Variants in NF1 observed in about 807,000 individuals in gnomAD.
NF1 encodes the protein neurofibromin 1, also known as neurofibromin.
Under a neutral mutation model 325.7 loss-of-function variants are expected in NF1, and 122 were observed. The ratio of observed to expected loss-of-function variants is 0.37; its 90% CI spans 0.32 to 0.44. The LOEUF (loss-of-function observed/expected upper bound fraction) is 0.44. NF1 is among the 20% of genes least tolerant of loss of function. NF1 has a pLI of 1.00. For missense variants in NF1, 2,140 were observed against 3,415.4 expected (o/e 0.63, Z 9.31); for synonymous variants, 1,091 against 1,186.0 (o/e 0.92, Z 1.65).
At chr17:31,173,512 C>T (rs541964154) in intron 5 of NF1, among the ~76,000 whole-genome samples, 1 of 151,588 alleles carries the variant, frequency 6.6e-6, no homozygotes. Context: ...ACAGCAGAAT[C>T]GCTTGAGCCT....
chr17:31,277,505 G>T (rs1233285667), intron 36 of NF1, among the ~76,000 whole-genome samples: 4 of 152,118 alleles, frequency 2.6e-5, no homozygotes, highest in Non-Finnish European at 5.9e-5. Flanking sequence ...ATAACTACAT[G>T]CTGGACATCT....
At chr17:31,113,067 T>C (rs1263384449) in intron 1 of NF1, among the ~76,000 whole-genome samples, 1 of 152,194 alleles carries the variant, frequency 6.6e-6, no homozygotes, top group Non-Finnish European at 1.5e-5. Context: ...TCTAGGTCTT[T>C]TGTTATCCTT....
intron 36 of NF1, among the ~76,000 whole-genome samples, chr17:31,279,992 T>C (rs1232452170): frequency 6.6e-6 from 1 of 152,158 alleles, no homozygotes; most frequent in Non-Finnish European, 1.5e-5. Flanking sequence ...TCTGAGTTTA[T>C]AGAATCTTAA....
intron 1 of NF1, among the ~76,000 whole-genome samples, chr17:31,106,670 T>C (rs1020786908): frequency 6.6e-6 from 1 of 152,238 alleles, no homozygotes; most frequent in African/African-American, 2.4e-5. Context: ...GTTGGTTAGA[T>C]GTTAGAAATA....
chr17:31,219,300 T>C, intron 14 of NF1, 182 bp downstream of exon 14: 2 of 536,340 alleles, frequency 3.7e-6, no homozygotes, highest in Non-Finnish European at 3.3e-6. Context: ...ACTTGCTTTG[T>C]ATCACATAGC....
intron 5 of NF1, among the ~76,000 whole-genome samples, chr17:31,181,181 A>G (rs968654456): frequency 6.6e-6 from 1 of 152,176 alleles, no homozygotes; most frequent in Admixed American, 6.5e-5. Flanking sequence ...TTGAAAAAGC[A>G]AGTTATTAAA....
chr17:31,182,480 A>C (rs769891894), intron 7 of NF1, 28 bp from the exon 8 acceptor site: 1 of 1,611,104 alleles, frequency 6.2e-7, no homozygotes, highest in Non-Finnish European at 8.5e-7. Flanking sequence ...CCTATCTAAT[A>C]ATGTCATTTA....
At chr17:31,161,319 G>T (rs1407110259) in intron 3 of NF1, among the ~76,000 whole-genome samples, 2 of 152,216 alleles carry the variant, frequency 1.3e-5, no homozygotes, top group Admixed American at 1.3e-4. Flanking sequence ...TGAATTCACA[G>T]GTTTTTGTGA....
At chr17:31,160,106 G>C (rs1341837708) in intron 3 of NF1, among the ~76,000 whole-genome samples, 1 of 152,140 alleles carries the variant, frequency 6.6e-6, no homozygotes, top group African/African-American at 2.4e-5. Context: ...TTTCTTTTGA[G>C]ACAGAGTCTC....
chr17:31,095,780 C>T (rs1911640122), intron 1 of NF1, among the ~76,000 whole-genome samples: 2 of 152,144 alleles, frequency 1.3e-5, no homozygotes, highest in Admixed American at 6.5e-5. Flanking sequence ...CTCTCTTCCT[C>T]TTCCCTCCGT....
intron 12 of NF1, among the ~76,000 whole-genome samples, chr17:31,207,328 C>G (rs1188333380): frequency 6.6e-6 from 1 of 152,042 alleles, no homozygotes; most frequent in Non-Finnish European, 1.5e-5. Flanking sequence ...TTGGTTTTAT[C>G]TAGTAAGTTA....
chr17:31,363,407 T>C (rs1734735726), intron 57 of NF1, among the ~76,000 whole-genome samples: 1 of 151,540 alleles, frequency 6.6e-6, no homozygotes, highest in African/African-American at 2.4e-5. Context: ...TATCTTTAGC[T>C]CCATGTAATC....
At chr17:31,156,236 G>A in intron 2 of NF1, 110 bp downstream of exon 2, 1 of 1,261,778 alleles carries the variant, frequency 7.9e-7, no homozygotes, top group Non-Finnish European at 1.1e-6. Flanking sequence ...TGTGGACTTT[G>A]GATATAACCA....
intron 18 of NF1, 55 bp downstream of exon 18, chr17:31,226,739 T>C (rs2151426325): frequency 6.2e-7 from 1 of 1,608,280 alleles, no homozygotes; most frequent in Non-Finnish European, 8.5e-7. Context: ...ACATGGCATC[T>C]GATTTTGAGA....
intron 12 of NF1, among the ~76,000 whole-genome samples, chr17:31,212,561 T>A (rs1290006558): frequency 8.6e-5 from 13 of 151,854 alleles, no homozygotes; most frequent in African/African-American, 4.8e-5. Flanking sequence ...TAGAAAAAAA[T>A]TAGCTGGGCG....
At chr17:31,098,707 G>T (rs1304543266) in intron 1 of NF1, among the ~76,000 whole-genome samples, 4 of 152,118 alleles carry the variant, frequency 2.6e-5, no homozygotes, top group Non-Finnish European at 1.5e-5. Context: ...GCCGAGGCGG[G>T]CCGATCATGA....
intron 1 of NF1, among the ~76,000 whole-genome samples, chr17:31,126,012 C>T (rs945686656): frequency 3.3e-5 from 5 of 152,112 alleles, no homozygotes; most frequent in African/African-American, 7.2e-5. Flanking sequence ...TGGTAAAACC[C>T]GGTCTCTACT....
intron 1 of NF1, among the ~76,000 whole-genome samples, chr17:31,098,309 C>G (rs946909738): frequency 1.3e-5 from 2 of 151,716 alleles, no homozygotes; most frequent in Admixed American, 1.3e-4. Flanking sequence ...GATACTTTTC[C>G]TAAGTATCCC....
chr17:31,160,025 T>C (rs1334355386), intron 3 of NF1, among the ~76,000 whole-genome samples: 1 of 152,102 alleles, frequency 6.6e-6, no homozygotes, highest in Non-Finnish European at 1.5e-5. Flanking sequence ...AAAAAAATTA[T>C]ATTGACACAA....
Sources: gnomAD v4.1 joint callset for allele counts (sites outside exome capture counted in the v4.1 genomes callset) on GRCh38, gnomAD v4.1.1 for gene constraint, MANE v1.5 for transcripts, NCBI Gene and HGNC (gene_info 2026-07-23, HGNC 2026-07-21) for gene names.